Variants in SPATA32 observed in about 807,000 individuals in gnomAD.
SPATA32 encodes spermatogenesis-associated protein 32.
In SPATA32, 28 loss-of-function variants were observed where a neutral mutation model predicts 35.4. That is an observed-to-expected ratio of 0.79 (90% CI 0.59 to 1.09). The LOEUF (loss-of-function observed/expected upper bound fraction) is 1.09, where lower values mean the gene tolerates loss of function less well. Ranked by LOEUF, SPATA32 falls within the 50% of genes least tolerant of loss-of-function variation. SPATA32 has a pLI of 0.00. For synonymous variants in SPATA32, 168 were observed against 196.3 expected (o/e 0.86, Z 1.20); for missense variants, 409 against 475.9 (o/e 0.86, Z 1.31).
intron 1 of SPATA32, among the ~76,000 whole-genome samples, chr17:45,258,671 G>A (rs2043978797): frequency 6.6e-6 from 1 of 152,156 alleles, no homozygotes; most frequent in Non-Finnish European, 1.5e-5. Flanking sequence ...GTCTCACTCT[G>A]TCACCCACGC....
chr17:45,255,230 C>A lies in SPATA32; in HGVS notation c.952G>T (p.Ala318Ser). 6.2e-7 allele frequency: 1 copy of A among 1,614,168 alleles called. No individual in the cohort carries two copies. Among genetic ancestry groups the A allele is most frequent in the Non-Finnish European group, 8.5e-7 (1 of 1,180,032 alleles). The change falls in exon 4 of 5, where the codon GCT (alanine) becomes TCT (serine). Residue 318 changes from alanine to serine, a missense_variant. Transcript: ENST00000331780. This position sits in a 1 kb window ranked among gnomAD's most constrained non-coding sequence, Gnocchi z 5.4. The part of the protein sequence containing the change: ...KSWSQEDKNF[A>S]QSYFDFSKPG... ...TTGCTGAAGTCAAAGTAAGATTGAG[C>A]GAAGTTCTTGTCTTCCTGACTCCAA...
At chr17:45,257,116 C>G in intron 2 of SPATA32, 37 bp downstream of exon 2, 2 of 1,607,460 alleles carry the variant, frequency 1.2e-6, no homozygotes, top group Non-Finnish European at 1.7e-6. Context: ...CTGGAGGGCT[C>G]GGGGGAGGCC....
intron 4 of SPATA32, among the ~76,000 whole-genome samples, chr17:45,254,800 G>C (rs1414695017): frequency 6.6e-6 from 1 of 152,198 alleles, no homozygotes; most frequent in Non-Finnish European, 1.5e-5. Flanking sequence ...TCCCAACCTT[G>C]GTGAGGCCCG....
rs143147921 is a variant in SPATA32 at position 45,255,302 on chromosome 17, C to T, written c.880G>A (p.Glu294Lys). The T allele has an allele frequency of 2.6e-4, 419 of 1,614,194 alleles. No individual in the cohort carries two copies. In the African/African-American group the frequency reaches 5.3e-3, roughly 21 times the overall value. The change falls in exon 4 of 5, where the codon GAG (glutamate) becomes AAG (lysine). Residue 294 changes from glutamate (E) to lysine (K), a missense_variant. Physicochemically the swap from Glu to Lys is moderately conservative, Grantham distance 56. Transcript: ENST00000331780. This position sits in a 1 kb window ranked among gnomAD's most constrained non-coding sequence, Gnocchi z 5.4. Reference protein sequence around the residue: ...VEEREPENHAETLPEKPREAR... With the variant: ...VEEREPENHAKTLPEKPREAR... ...TCGCGTGGTTTCTCTGGCAGGGTCT[C>T]TGCGTGATTTTCTGGCTCTCGCTCC...
intron 4 of SPATA32, 65 bp from the exon 5 acceptor site, chr17:45,254,578 C>T (rs1219231940): frequency 6.7e-7 from 1 of 1,495,870 alleles, no homozygotes; most frequent in Non-Finnish European, 9.3e-7. Flanking sequence ...GGGGTGAGCC[C>T]AGAGGCCCCT....
chr17:45,255,622 G>A lies in SPATA32; in HGVS notation c.560C>T (p.Pro187Leu), dbSNP rs1211512040. The change falls in exon 4 of 5, where the codon CCC (proline) becomes CTC (leucine). Residue 187 changes from proline (P) to leucine (L), a missense_variant. Physicochemically the swap from Pro to Leu is moderately conservative, Grantham distance 98. Transcript: ENST00000331780. The surrounding 1 kb of genome is among the most constrained non-coding windows in gnomAD (Gnocchi z 5.4). ...MQLNNGSAGQ[P>L]IRSPLREAIP... is the part of the protein sequence containing the mutation. ...GGCCTCCCGGAGCGGGGATCTGATG[G>A]GCTGGCCTGCGCTGCCATTGTTGAG... is the stretch of plus-strand genomic sequence containing the variant. The A allele has an allele frequency of 1.2e-6, 2 of 1,613,952 alleles. No individual in the cohort carries two copies. The highest frequency in any genetic ancestry group is 2.2e-5 in the South Asian group (2 of 91,076).
In SPATA32 at chr17:45,256,239, G is replaced by C; in HGVS notation, c.108+137C>G. The C allele has an allele frequency of 8.3e-7, 1 of 1,200,604 alleles. No homozygotes were observed. The highest frequency in any genetic ancestry group is 1.2e-6 in the Non-Finnish European group (1 of 814,942). 74.4% of individuals were successfully genotyped at this position (1,200,604 alleles called of 1,614,324 possible). ...CTCTCAGAGACCTGCCCGGTGAGGGGGTGTGTGTGTGGGTGTACCCACACC... is the reference window on the plus strand; with the variant it reads ...CTCTCAGAGACCTGCCCGGTGAGGGCGTGTGTGTGTGGGTGTACCCACACC... On this transcript the variant is annotated intron_variant, in intron 3 of 4. Coordinates refer to ENST00000331780, the MANE Select transcript of SPATA32 (RefSeq NM_152343.3). This position sits in a 1 kb window ranked among gnomAD's most constrained non-coding sequence, Gnocchi z 4.7.
rs1598226469 is a variant in SPATA32, at chr17:45,256,264, C to T, written c.108+112G>A. On this transcript the variant is annotated intron_variant, in intron 3 of 4. Coordinates refer to ENST00000331780, the MANE Select transcript of SPATA32 (RefSeq NM_152343.3). The surrounding 1 kb of genome is among the most constrained non-coding windows in gnomAD (Gnocchi z 4.7). ...GGTGTGTGTGTGGGTGTACCCACAC[C>T]GGCCTGGTACTAGGGTCCCAGGATT... The T allele has an allele frequency of 2.1e-5, 27 of 1,267,828 alleles. No homozygotes were observed. The highest frequency in any genetic ancestry group is 4.4e-5 in the African/African-American group (3 of 68,558). 78.5% of individuals were successfully genotyped at this position (1,267,828 alleles called of 1,614,324 possible). A position where few individuals can be genotyped will look rare whatever the true frequency, so the allele number is the denominator to read the frequency against.
rs756862820 is a variant in SPATA32 at position 45,255,146 on chromosome 17, T to C, written c.1036A>G (p.Thr346Ala). The change falls in exon 4 of 5, where the codon ACG becomes GCG. Residue 346 changes from threonine to alanine, a missense_variant. Thr to Ala is a moderately conservative substitution (Grantham distance 58). Coordinates refer to ENST00000331780, the MANE Select transcript of SPATA32 (RefSeq NM_152343.3). The surrounding 1 kb of genome is among the most constrained non-coding windows in gnomAD (Gnocchi z 5.4). ...TTGCTTCCCTGCAGCAGAGGGGACGTGGCTGGTGGCTGGAGAAGCTGGATT... is the reference window on the plus strand; with the variant it reads ...TTGCTTCCCTGCAGCAGAGGGGACGCGGCTGGTGGCTGGAGAAGCTGGATT... ...GQIQLLQPPA[T>A]SPLLQGSKED... 1 of 1,614,226 alleles carries C rather than the reference T, an allele frequency of 6.2e-7. No homozygotes were observed. Among genetic ancestry groups the C allele is most frequent in the Non-Finnish European group, 8.5e-7 (1 of 1,180,040 alleles).
At chr17:45,258,685 A>T (rs2043978926) in intron 1 of SPATA32, among the ~76,000 whole-genome samples, 1 of 152,124 alleles carries the variant, frequency 6.6e-6, no homozygotes, top group Admixed American at 6.5e-5. Context: ...CCCACGCTGG[A>T]GTGTAGTGGT....
chr17:45,255,737 T>G lies in SPATA32; in HGVS notation c.445A>C (p.Ile149Leu), dbSNP rs2043950045. ...AGGTGCTTGGAGGTCTGCGCACTGATGGAGTGATGGCAGGCAGACACGTGG... is the reference window on the plus strand; with the variant it reads ...AGGTGCTTGGAGGTCTGCGCACTGAGGGAGTGATGGCAGGCAGACACGTGG... ...ENHVSACHHS[I>L]SAQTSKHLFW... The change falls in exon 4 of 5, where the codon ATC (isoleucine) becomes CTC (leucine). Residue 149 changes from isoleucine (I) to leucine (L), a missense_variant. By Grantham distance (5) the Ile-to-Leu change is conservative (BLOSUM62 2). Transcript: ENST00000331780. The surrounding 1 kb of genome is among the most constrained non-coding windows in gnomAD (Gnocchi z 5.4). 1 of 1,613,960 alleles carries G rather than the reference T, an allele frequency of 6.2e-7. No homozygotes were observed. The highest frequency in any genetic ancestry group is 1.3e-5 in the African/African-American group (1 of 74,994).
chr17:45,254,411 A>G lies in SPATA32; in HGVS notation c.*15T>C. The stretch of plus-strand genomic sequence containing the variant: ...GCCGACGGCCAGCACTGGAGGCTTT[A>G]TTGGTTCTGTCTAGTCATTTCTCTG... On this transcript the variant is annotated 3_prime_UTR_variant, in exon 5 of 5. Coordinates refer to ENST00000331780, the MANE Select transcript of SPATA32 (RefSeq NM_152343.3). 6.2e-7 allele frequency: 1 copy of G among 1,613,226 alleles called. No individual in the cohort carries two copies. The highest frequency in any genetic ancestry group is 8.5e-7 in the Non-Finnish European group (1 of 1,179,168).
chr17:45,256,193 C>A lies in SPATA32; in HGVS notation c.109-120G>T. Reference sequence around the variant, plus strand: ...TGGGTCCTGCTGTCTTCCCCCCGCCCCCTAACCCCATGCCTGCCTCCTCTC... The same window carrying A: ...TGGGTCCTGCTGTCTTCCCCCCGCCACCTAACCCCATGCCTGCCTCCTCTC... On this transcript the variant is annotated intron_variant, in intron 3 of 4. Coordinates refer to ENST00000331780, the MANE Select transcript of SPATA32 (RefSeq NM_152343.3). This position sits in a 1 kb window ranked among gnomAD's most constrained non-coding sequence, Gnocchi z 4.7. 1 of 1,317,934 alleles carries A rather than the reference C, an allele frequency of 7.6e-7. No homozygotes were observed. The highest frequency in any genetic ancestry group is 1.1e-6 in the Non-Finnish European group (1 of 933,640). 81.6% of individuals were successfully genotyped at this position (1,317,934 alleles called of 1,614,324 possible). A position where few individuals can be genotyped will look rare whatever the true frequency, so the allele number is the denominator to read the frequency against.
rs1023642748 is a variant in SPATA32, at chr17:45,255,184, G to A, written c.998C>T (p.Thr333Ile). The change falls in exon 4 of 5, where the codon ACC (threonine) becomes ATC (isoleucine). Residue 333 changes from threonine (T) to isoleucine (I), a missense_variant. Physicochemically the swap from Thr to Ile is moderately conservative, Grantham distance 89. Transcript: ENST00000331780. The surrounding 1 kb of genome is among the most constrained non-coding windows in gnomAD (Gnocchi z 5.4). ...DFSKPGIKRA[T>I]IKGQIQLLQP... is the part of the protein sequence containing the mutation. ...GAGAAGCTGGATTTGCCCTTTGATGGTGGCCCTCTTGATCCCCGGCTTGCT... is the reference window on the plus strand; with the variant it reads ...GAGAAGCTGGATTTGCCCTTTGATGATGGCCCTCTTGATCCCCGGCTTGCT... 1 of 1,614,220 alleles carries A rather than the reference G, an allele frequency of 6.2e-7. No homozygotes were observed. The highest frequency in any genetic ancestry group is 8.5e-7 in the Non-Finnish European group (1 of 1,180,034).
In SPATA32 at chr17:45,256,784, A is replaced by T. The variant is rs1221367251; in HGVS notation, c.68+369T>A. 6.6e-6 allele frequency among the ~76,000 whole-genome samples: 1 copy of T among 152,032 alleles called. No homozygotes were observed. The highest frequency in any genetic ancestry group is 1.5e-5 in the Non-Finnish European group (1 of 68,008). On this transcript the variant is annotated intron_variant, in intron 2 of 4. Coordinates refer to ENST00000331780, the MANE Select transcript of SPATA32 (RefSeq NM_152343.3). The surrounding 1 kb of genome is among the most constrained non-coding windows in gnomAD (Gnocchi z 4.7). ...CCAGAACACTAGTCCCCAGCAGGGG[A>T]GCCCCAGAGCAATGTCCTCCCACCC...
rs2043955550 is a variant in SPATA32, at chr17:45,256,188, C to T, written c.109-115G>A. ...TGCCCTGGGTCCTGCTGTCTTCCCC[C>T]CGCCCCCTAACCCCATGCCTGCCTC... On this transcript the variant is annotated intron_variant, in intron 3 of 4. Transcript: ENST00000331780. The surrounding 1 kb of genome is among the most constrained non-coding windows in gnomAD (Gnocchi z 4.7). 7.4e-7 allele frequency: 1 copy of T among 1,343,592 alleles called. No homozygotes were observed. The highest frequency in any genetic ancestry group is 1.0e-6 in the Non-Finnish European group (1 of 959,890). The allele number at this position is 1,343,592 out of a possible 1,614,324, so 83.2% of individuals were successfully genotyped here.
chr17:45,257,503 C>G (rs1293911297), intron 1 of SPATA32, among the ~76,000 whole-genome samples: 1 of 151,638 alleles, frequency 6.6e-6, no homozygotes, highest in African/African-American at 2.4e-5. Flanking sequence ...GCTTCCATAG[C>G]CTGGTCACTT....
At chr17:45,259,052 T>G (rs1171083477) in intron 1 of SPATA32, among the ~76,000 whole-genome samples, 1 of 151,992 alleles carries the variant, frequency 6.6e-6, no homozygotes, top group Non-Finnish European at 1.5e-5. Flanking sequence ...TTCTTTTAGA[T>G]TCTATCGGAT....
intron 1 of SPATA32, chr17:45,261,097 T>G (rs1027914698): frequency 3.3e-5 from 3 of 89,834 alleles, no homozygotes; most frequent in African/African-American, 4.1e-5. Context: ...GACCTCTGGT[T>G]TTTTTTTTTT....
Sources: allele counts gnomAD v4.1 joint callset (sites outside exome capture counted in the v4.1 genomes callset), GRCh38; gene constraint gnomAD v4.1.1; non-coding constraint Gnocchi (gnomAD v3.1); transcripts MANE v1.5; gene names NCBI Gene and HGNC (gene_info 2026-07-23, HGNC 2026-07-21).